The following PEX5L variants were observed in gnomAD, a reference collection of about 807,000 sequenced individuals.
PEX5L encodes PEX5-related protein.
In PEX5L, 30 loss-of-function variants were observed where a neutral mutation model predicts 84.0. That is an observed-to-expected ratio of 0.36 (90% confidence interval 0.27 to 0.48). The LOEUF (loss-of-function observed/expected upper bound fraction) is 0.48, where lower values mean the gene tolerates loss of function less well. Among genes scored for constraint, PEX5L ranks in the 20% least tolerant of loss-of-function variants. PEX5L has a pLI of 0.99. For missense variants in PEX5L, 533 were observed against 754.6 expected (o/e 0.71, Z 3.44); for synonymous variants, 270 against 283.1 (o/e 0.95, Z 0.46).
chr3:179,830,226 T>A (rs942242618), intron 8 of PEX5L, among the ~76,000 whole-genome samples: 5 of 152,034 alleles, frequency 3.3e-5, no homozygotes, highest in Non-Finnish European at 5.9e-5. Flanking sequence ...AAAGTCCAAT[T>A]TAAAAAATCA....
chr3:179,817,026 A>G (rs939632789), intron 9 of PEX5L, among the ~76,000 whole-genome samples: 1 of 152,156 alleles, frequency 6.6e-6, no homozygotes. Context: ...GCTAAGTGCT[A>G]CCACCCATAC....
chr3:179,974,986 C>T (rs1006258070), intron 1 of PEX5L, among the ~76,000 whole-genome samples: 12 of 152,106 alleles, frequency 7.9e-5, no homozygotes, highest in African/African-American at 2.9e-4. Context: ...CACTTGAGGC[C>T]AGGAGTCCAA....
chr3:180,012,491 G>A (rs1406969599), intron 1 of PEX5L, among the ~76,000 whole-genome samples: 5 of 152,084 alleles, frequency 3.3e-5, no homozygotes, highest in African/African-American at 1.2e-4. Context: ...TTTTGTTTTG[G>A]AGTCAGTGCA....
At chr3:180,023,848 C>T (rs1790652113) in intron 1 of PEX5L, among the ~76,000 whole-genome samples, 1 of 151,582 alleles carries the variant, frequency 6.6e-6, no homozygotes, top group South Asian at 2.1e-4. Flanking sequence ...CCATACCTAG[C>T]TCCTTGGTAG....
At chr3:179,874,585 G>A (rs1751515905) in intron 6 of PEX5L, among the ~76,000 whole-genome samples, 162 bp from the exon 7 acceptor site, 1 of 151,908 alleles carries the variant, frequency 6.6e-6, no homozygotes, top group African/African-American at 2.4e-5. Flanking sequence ...CTATTATAAT[G>A]GTCACTTTCA....
chr3:179,907,511 G>A (rs879722643), intron 2 of PEX5L, among the ~76,000 whole-genome samples: 8 of 151,752 alleles, frequency 5.3e-5, no homozygotes, highest in African/African-American at 1.5e-4. Context: ...GTGGAGTCTC[G>A]CTATGTTGCC....
chr3:179,859,858 C>T (rs1745382319), intron 7 of PEX5L, among the ~76,000 whole-genome samples: 1 of 152,150 alleles, frequency 6.6e-6, no homozygotes, highest in South Asian at 2.1e-4. Context: ...GAAGACCTTT[C>T]CCCAAGAGTC....
intron 2 of PEX5L, among the ~76,000 whole-genome samples, chr3:179,932,113 C>A (rs1003385896): frequency 6.6e-6 from 1 of 151,944 alleles, no homozygotes; most frequent in Non-Finnish European, 1.5e-5. Flanking sequence ...TACATTATAA[C>A]CCAGTAAACA....
chr3:179,807,363 G>C (rs9851814), intron 14 of PEX5L, among the ~76,000 whole-genome samples: 5,173 of 152,192 alleles, frequency 0.034, 151 homozygotes, highest in African/African-American at 0.07. Context: ...GTTGCCCTTG[G>C]GGGTGTTGAA....
At chr3:179,803,837 G>C (rs1560148488) in intron 14 of PEX5L, among the ~76,000 whole-genome samples, 1 of 152,196 alleles carries the variant, frequency 6.6e-6, no homozygotes, top group Non-Finnish European at 1.5e-5. Context: ...AATGGTCATG[G>C]TGTATGTAGC....
rs1338448511 is a variant in PEX5L at position 179,954,201 on chromosome 3, A to AATG, written c.93+17392_93+17393insCAT. 1.3e-3 allele frequency among the ~76,000 whole-genome samples: 73 copies of AATG among 57,546 alleles called. 2 individuals carry two copies. The highest frequency in any genetic ancestry group is 4.2e-3 in the African/African-American group (68 of 16,354). The allele number at this position is 57,546 out of a possible 152,430, so 37.8% of individuals were successfully genotyped here. Reference sequence around the variant, plus strand: ...AGAACAAGCCCAGAAATTAACCATTAGTCGGGGGGGGGGGAAAAAGTCAGC... The same window carrying AATG: ...AGAACAAGCCCAGAAATTAACCATTAATGGTCGGGGGGGGGGGAAAAAGTCAGC... On this transcript the variant is annotated intron_variant, in intron 2 of 14. Coordinates refer to ENST00000467460, the MANE Select transcript of PEX5L (RefSeq NM_016559.3).
chr3:179,885,263 G>C (rs1436900320), intron 4 of PEX5L, among the ~76,000 whole-genome samples: 1 of 152,074 alleles, frequency 6.6e-6, no homozygotes, highest in African/African-American at 2.4e-5. Context: ...ACCTTATTTG[G>C]AAACAGTTTC....
chr3:179,903,303 C>A (rs1226003234), intron 2 of PEX5L, among the ~76,000 whole-genome samples: 3 of 151,542 alleles, frequency 2.0e-5, no homozygotes, highest in Admixed American at 2.0e-4. Context: ...TCACTGCAAC[C>A]TCAACCTCCT....
At chr3:179,925,991 C>T (rs1403981294) in intron 2 of PEX5L, among the ~76,000 whole-genome samples, 4 of 152,108 alleles carry the variant, frequency 2.6e-5, no homozygotes, top group Non-Finnish European at 5.9e-5. Context: ...TAAAACCAAT[C>T]TCCCCCCTCC....
In PEX5L at chr3:179,936,054, T is replaced by C. The variant is rs563551899; in HGVS notation, c.93+35540A>G. Among the ~76,000 whole-genome samples the C allele has an allele frequency of 8.7e-4, 132 of 152,288 alleles. 2 individuals are homozygous for C. The highest frequency in any genetic ancestry group is 2.9e-3 in the African/African-American group (119 of 41,562). Reference sequence around the variant, plus strand: ...ATAACTCTCTTTTCTTTATAAATTATCCAGTCTCAGGTATCTTGTTATAGC... The same window carrying C: ...ATAACTCTCTTTTCTTTATAAATTACCCAGTCTCAGGTATCTTGTTATAGC... On this transcript the variant is annotated intron_variant, in intron 2 of 14. Transcript: ENST00000467460.
At chr3:179,854,604 A>C (rs1482884664) in intron 8 of PEX5L, among the ~76,000 whole-genome samples, 1 of 152,200 alleles carries the variant, frequency 6.6e-6, no homozygotes, top group Non-Finnish European at 1.5e-5. Context: ...AAATGGAGAT[A>C]CAGTTATGTT....
intron 8 of PEX5L, among the ~76,000 whole-genome samples, chr3:179,850,448 T>A (rs1169793388): frequency 6.6e-6 from 1 of 152,158 alleles, no homozygotes; most frequent in Non-Finnish European, 1.5e-5. Context: ...TATACTTTTA[T>A]CCTTACCATC....
At chr3:179,992,464 C>T (rs774595921) in intron 1 of PEX5L, among the ~76,000 whole-genome samples, 6 of 152,158 alleles carry the variant, frequency 3.9e-5, no homozygotes, top group Admixed American at 2.0e-4. Context: ...TTCATTTTAG[C>T]GGTTAGCATA....
intron 1 of PEX5L, among the ~76,000 whole-genome samples, chr3:180,010,270 T>TTTTTG (rs1206110355): frequency 7.0e-6 from 1 of 142,926 alleles, no homozygotes. Context: ...TTTTTTTCTG[T>TTTTTG]AGAGATGGAG....
Sources: gnomAD v4.1 joint callset for allele counts (sites outside exome capture counted in the v4.1 genomes callset) on GRCh38, gnomAD v4.1.1 for gene constraint, MANE v1.5 for transcripts, NCBI Gene and HGNC (gene_info 2026-07-23, HGNC 2026-07-21) for gene names.